The following KIRREL3 variants were observed in gnomAD, a reference collection of about 807,000 sequenced individuals.
KIRREL3 encodes the protein kin of IRRE-like protein 3.
KIRREL3 carries 36 observed loss-of-function variants against 89.7 expected under a neutral mutation model. The ratio of observed to expected loss-of-function variants is 0.40; its 90% confidence interval spans 0.31 to 0.53. The LOEUF is 0.53. Ranked by LOEUF, KIRREL3 falls within the 20% of genes least tolerant of loss-of-function variation. The pLI is 0.49. For missense variants in KIRREL3, 864 were observed against 1,056.6 expected, an observed-to-expected ratio of 0.82 and a Z score of 2.53; for synonymous variants, 445 against 441.4, an observed-to-expected ratio of 1.01 and a Z score of -0.10.
intron 6 of KIRREL3, among the ~76,000 whole-genome samples, chr11:126,457,459 A>ATG (rs1234290265): frequency 2.0e-5 from 3 of 150,704 alleles, no homozygotes; most frequent in Non-Finnish European, 1.5e-5. Context: ...GTGTGTATAC[A>ATG]TGTGTATATG....
In KIRREL3 at chr11:126,474,310, T is replaced by C. The variant is rs986513480; in HGVS notation, c.434-844A>G. ...CTGTCTGAGTTAGTCCTCACAACAGTCTGGTGAGGTCAACATTACCACCCC... is the reference window on the plus strand; with the variant it reads ...CTGTCTGAGTTAGTCCTCACAACAGCCTGGTGAGGTCAACATTACCACCCC... On this transcript the variant is annotated intron_variant, in intron 4 of 16. Transcript: ENST00000525144. The surrounding 1 kb of genome is among the most constrained non-coding windows in gnomAD (Gnocchi z 6.7). Among the ~76,000 whole-genome samples the C allele has an allele frequency of 3.3e-5, 5 of 152,172 alleles. No individual in the cohort carries two copies. Among genetic ancestry groups the C allele is most frequent in the African/African-American group, 9.7e-5 (4 of 41,446 alleles).
At chr11:126,445,865 A>G (rs1409970274) in intron 9 of KIRREL3, among the ~76,000 whole-genome samples, 2 of 152,166 alleles carry the variant, frequency 1.3e-5, no homozygotes, top group African/African-American at 4.8e-5. Flanking sequence ...GAGGAACACA[A>G]GGGCTGGACA....
rs900396431 is a variant in KIRREL3 at position 126,995,042 on chromosome 11, T to G, written c.55+5413A>C. ...GCAGTCGATTCTCACATCATTCCTC[T>G]AACTGGAAATAAAAATCCCACTCTA... On this transcript the variant is annotated intron_variant, in intron 1 of 16. Coordinates refer to ENST00000525144, the MANE Select transcript of KIRREL3 (RefSeq NM_032531.4). This position sits in a 1 kb window ranked among gnomAD's most constrained non-coding sequence, Gnocchi z 6.5. The G allele has an allele frequency of 2.7e-6, 1 of 374,200 alleles. No homozygotes were observed. Among genetic ancestry groups the G allele is most frequent in the African/African-American group, 2.1e-5 (1 of 47,178 alleles). 23.2% of individuals were successfully genotyped at this position (374,200 alleles called of 1,614,324 possible). A position where few individuals can be genotyped will look rare whatever the true frequency, so the allele number is the denominator to read the frequency against.
rs891906543 is a variant in KIRREL3, at chr11:126,562,265, A to T, written c.133+570T>A. Among the ~76,000 whole-genome samples, 1 of 152,124 alleles carries T rather than the reference A, an allele frequency of 6.6e-6. No homozygotes were observed. Among genetic ancestry groups the T allele is most frequent in the African/African-American group, 2.4e-5 (1 of 41,426 alleles). ...ATGTCAACACGTTTCTCAAGCCTTCAGTGACCCAATGAAGCCAGTGCAAGA... is the reference window on the plus strand; with the variant it reads ...ATGTCAACACGTTTCTCAAGCCTTCTGTGACCCAATGAAGCCAGTGCAAGA... On this transcript the variant is annotated intron_variant, in intron 2 of 16. Transcript: ENST00000525144. The surrounding 1 kb of genome is among the most constrained non-coding windows in gnomAD (Gnocchi z 4.7).
rs544726503 is a variant in KIRREL3 at position 126,772,117 on chromosome 11, C to T, written c.56-209205G>A. Among the ~76,000 whole-genome samples, 28 of 152,274 alleles carry T rather than the reference C, an allele frequency of 1.8e-4. No individual in the cohort carries two copies. Among genetic ancestry groups the T allele is most frequent in the African/African-American group, 5.5e-4 (23 of 41,552 alleles). On this transcript the variant is annotated intron_variant, in intron 1 of 16. Coordinates refer to ENST00000525144, the MANE Select transcript of KIRREL3 (RefSeq NM_032531.4). This position sits in a 1 kb window ranked among gnomAD's most constrained non-coding sequence, Gnocchi z 4.6. ...GGGCAGAAGAACCAGTGTAGTCTCTCACTAATGTCTTAGCTCTGGTCTGTT... is the reference window on the plus strand; with the variant it reads ...GGGCAGAAGAACCAGTGTAGTCTCTTACTAATGTCTTAGCTCTGGTCTGTT...
Position 126,903,579 on chromosome 11 carries a change from A to T in KIRREL3, c.55+96876T>A, listed in dbSNP as rs1394317571. Among the ~76,000 whole-genome samples the T allele has an allele frequency of 6.6e-6, 1 of 152,172 alleles. No homozygotes were observed. The highest frequency in any genetic ancestry group is 1.5e-5 in the Non-Finnish European group (1 of 68,028). On this transcript the variant is annotated intron_variant, in intron 1 of 16. Transcript: ENST00000525144. This position sits in a 1 kb window ranked among gnomAD's most constrained non-coding sequence, Gnocchi z 4.5. Reference sequence around the variant, plus strand: ...TCTGGCCTTGACTGCTGAGTTTATTACTACCCATAACCCTGGCCTAAGTGG... The same window carrying T: ...TCTGGCCTTGACTGCTGAGTTTATTTCTACCCATAACCCTGGCCTAAGTGG...
chr11:126,546,596 C>T (rs555416483), intron 2 of KIRREL3, among the ~76,000 whole-genome samples: 6 of 152,222 alleles, frequency 3.9e-5, no homozygotes, highest in South Asian at 2.1e-4. Flanking sequence ...TTTCTCTCCT[C>T]GGTGACATGC....
Position 126,446,860 on chromosome 11 carries a change from G to A in KIRREL3, c.1024C>T (p.Gln342Ter), listed in dbSNP as rs1411856309. Residue 342 changes from glutamine (Q) to a stop codon, truncating the protein, a stop_gained, in exon 9 of 17, where the codon CAA becomes TAA. Coordinates refer to ENST00000525144, the MANE Select transcript of KIRREL3 (RefSeq NM_032531.4). LOFTEE classifies it high-confidence loss of function. ...YFGPRMTTEP[Q>*]SLLVDLGSDA... ...GAGCCCAGATCCACGAGCAAGGATT[G>A]GGGTTCTGTGGTCATCCGGGGCCCA... is the stretch of plus-strand genomic sequence containing the variant. The A allele has an allele frequency of 6.2e-7, 1 of 1,604,434 alleles. No individual in the cohort carries two copies.
Position 126,742,965 on chromosome 11 carries a change from T to C in KIRREL3, c.56-180053A>G, listed in dbSNP as rs1285326417. On this transcript the variant is annotated intron_variant, in intron 1 of 16. Transcript: ENST00000525144. The surrounding 1 kb of genome is among the most constrained non-coding windows in gnomAD (Gnocchi z 5.3). ...TGTGGTTTGGAGTTTCTAGGTCAGC[T>C]GCCCAGGGGCTGTCCCCTGCTCAGC... Among the ~76,000 whole-genome samples the C allele has an allele frequency of 1.3e-5, 2 of 152,234 alleles. No homozygotes were observed. Among genetic ancestry groups the C allele is most frequent in the South Asian group, 2.1e-4 (1 of 4,832 alleles).
chr11:126,426,128 C>G (rs1009414697), intron 15 of KIRREL3, among the ~76,000 whole-genome samples: 2 of 152,252 alleles, frequency 1.3e-5, no homozygotes, highest in African/African-American at 4.8e-5. Context: ...TACAGCTCTG[C>G]TCATCAGGGA....
intron 1 of KIRREL3, among the ~76,000 whole-genome samples, chr11:126,927,702 T>C (rs1947779274): frequency 1.3e-5 from 2 of 152,204 alleles, no homozygotes; most frequent in African/African-American, 2.4e-5. Flanking sequence ...ACCTCCTGAA[T>C]CTTCAGCAGC....
intron 13 of KIRREL3, among the ~76,000 whole-genome samples, chr11:126,434,604 A>G (rs1955249044): frequency 6.6e-6 from 1 of 152,196 alleles, no homozygotes. Flanking sequence ...CAGCATGGCC[A>G]TAGAGCCTGG....
chr11:126,728,840 G>A (rs1488388503), intron 1 of KIRREL3, among the ~76,000 whole-genome samples: 1 of 152,190 alleles, frequency 6.6e-6, no homozygotes, highest in Non-Finnish European at 1.5e-5. Context: ...AAGTGAGGAA[G>A]GCCTGAGCTT....
chr11:126,767,855 T>C (rs1298358644), intron 1 of KIRREL3, among the ~76,000 whole-genome samples: 2 of 152,216 alleles, frequency 1.3e-5, no homozygotes, highest in Admixed American at 6.5e-5. Flanking sequence ...GACAATTTGA[T>C]TGGTGAGATA....
In KIRREL3 at chr11:126,515,715, AGCTGGGGGCTG is replaced by A. The variant is rs2134411901; in HGVS notation, c.433+5589_433+5599del. ...GCGGTGGGTCTGAGGCTGGGGACACAGCTGGGGGCTGGCCTCGGGGGGCCTTGTGTGGCCTG... is the reference window on the plus strand; with the variant it reads ...GCGGTGGGTCTGAGGCTGGGGACACAGCCTCGGGGGGCCTTGTGTGGCCTG... On this transcript the variant is annotated intron_variant, in intron 4 of 16. Coordinates refer to ENST00000525144, the MANE Select transcript of KIRREL3 (RefSeq NM_032531.4). This position sits in a 1 kb window ranked among gnomAD's most constrained non-coding sequence, Gnocchi z 4.2. 6.6e-6 allele frequency among the ~76,000 whole-genome samples: 1 copy of A among 152,164 alleles called. No homozygotes were observed. The highest frequency in any genetic ancestry group is 2.4e-5 in the African/African-American group (1 of 41,510).
In KIRREL3 at chr11:126,491,990, C is replaced by T. The variant is rs1262484398; in HGVS notation, c.434-18524G>A. 1.3e-5 allele frequency among the ~76,000 whole-genome samples: 2 copies of T among 152,152 alleles called. No individual in the cohort carries two copies. The highest frequency in any genetic ancestry group is 4.8e-5 in the African/African-American group (2 of 41,422). ...GTGCTAGGATTACAGGTGTGAGCCA[C>T]CACGCCTGGGAGATTTGGAGTATTG... On this transcript the variant is annotated intron_variant, in intron 4 of 16. Transcript: ENST00000525144. The surrounding 1 kb of genome is among the most constrained non-coding windows in gnomAD (Gnocchi z 5.5).
At chr11:126,722,968 C>T (rs1282141423) in intron 1 of KIRREL3, among the ~76,000 whole-genome samples, 10 of 152,180 alleles carry the variant, frequency 6.6e-5, no homozygotes, top group Non-Finnish European at 4.4e-5. Context: ...AAGCTTCAAG[C>T]GTCACCTCTA....
rs1166023054 is a variant in KIRREL3 at position 126,424,640 on chromosome 11, G to C, written c.2277C>G (p.Ser759=). The change falls in exon 17 of 17, where the codon TCC becomes TCG. Residue 759 remains serine, a synonymous_variant. Transcript: ENST00000525144. ...GACTGGGGTCAGAGTTCTGGGACGAGGACTGGGAGTGGTGGGAGGAGGAAG... is the reference window on the plus strand; with the variant it reads ...GACTGGGGTCAGAGTTCTGGGACGACGACTGGGAGTGGTGGGAGGAGGAAG... The part of the protein sequence containing the change: ...ASASSSHHSQ[S]SSQNSDPSRP... The C allele has an allele frequency of 6.2e-7, 1 of 1,614,080 alleles. No individual in the cohort carries two copies.
At position 126,710,897 on chromosome 11, in the gene KIRREL3, T is replaced by C. The variant is rs906019607; in HGVS notation, c.56-147985A>G. 1.3e-5 allele frequency among the ~76,000 whole-genome samples: 2 copies of C among 152,220 alleles called. No individual in the cohort carries two copies. Among genetic ancestry groups the C allele is most frequent in the African/African-American group, 4.8e-5 (2 of 41,450 alleles). ...ATTAATTAAACTTTAATTAATGTCTTGACAGTAGTCTCAACCTGATAGGCC... is the reference window on the plus strand; with the variant it reads ...ATTAATTAAACTTTAATTAATGTCTCGACAGTAGTCTCAACCTGATAGGCC... On this transcript the variant is annotated intron_variant, in intron 1 of 16. Coordinates refer to ENST00000525144, the MANE Select transcript of KIRREL3 (RefSeq NM_032531.4). The surrounding 1 kb of genome is among the most constrained non-coding windows in gnomAD (Gnocchi z 4.2).
Sources: gnomAD v4.1 joint callset for allele counts (sites outside exome capture counted in the v4.1 genomes callset) on GRCh38, gnomAD v4.1.1 for gene constraint, Gnocchi (gnomAD v3.1) non-coding constraint, MANE v1.5 for transcripts, NCBI Gene and HGNC (gene_info 2026-07-23, HGNC 2026-07-21) for gene names.